The following PCDHA4 variants were observed in gnomAD, a reference collection of about 807,000 sequenced individuals.
PCDHA4 encodes protocadherin alpha-4.
A neutral mutation model predicts 61.4 loss-of-function variants in PCDHA4; 49 were observed. The ratio of observed to expected loss-of-function variants is 0.80; its 90% confidence interval spans 0.63 to 1.01. The LOEUF is 1.01. PCDHA4 is among the 50% of genes least tolerant of loss of function. The pLI is 0.00. For missense variants in PCDHA4, 1,254 were observed against 1,235.8 expected (o/e 1.01, Z -0.22); for synonymous variants, 590 against 550.3 (o/e 1.07, Z -1.01).
chr5:140,907,158 T>C (rs1482177408), intron 1 of PCDHA4, among the ~76,000 whole-genome samples: 1 of 152,146 alleles, frequency 6.6e-6, no homozygotes, highest in Non-Finnish European at 1.5e-5. Flanking sequence ...AACAGTACCA[T>C]ATATTGGATG....
chr5:140,830,328 G>A, intron 1 of PCDHA4: 2 of 1,614,058 alleles, frequency 1.2e-6, no homozygotes, highest in Non-Finnish European at 1.7e-6. Flanking sequence ...AGCGCAGTGG[G>A]GAGCTGGTCG....
chr5:140,820,549 G>C (rs1219526064), intron 1 of PCDHA4, among the ~76,000 whole-genome samples: 2 of 152,016 alleles, frequency 1.3e-5, no homozygotes, highest in East Asian at 3.9e-4. Flanking sequence ...TAGAAAACTT[G>C]GTGATATTTT....
chr5:140,869,028 G>T, intron 1 of PCDHA4: 1 of 1,526,584 alleles, frequency 6.6e-7, no homozygotes, highest in Middle Eastern at 1.8e-4. Context: ...AATTCAACGA[G>T]ATTTTTAACC....
chr5:140,961,477 G>T (rs2095615587), intron 1 of PCDHA4, among the ~76,000 whole-genome samples: 1 of 152,006 alleles, frequency 6.6e-6, no homozygotes, highest in African/African-American at 2.4e-5. Flanking sequence ...TTTTTGTCTT[G>T]TCCACGTGAG....
intron 1 of PCDHA4, among the ~76,000 whole-genome samples, chr5:140,915,915 T>C (rs782614078): frequency 1.3e-5 from 2 of 152,158 alleles, no homozygotes; most frequent in Non-Finnish European, 2.9e-5. Context: ...GGCCCAGAGA[T>C]GCTACTTGGG....
intron 1 of PCDHA4, among the ~76,000 whole-genome samples, chr5:140,844,545 C>G (rs979935361): frequency 6.7e-6 from 1 of 149,334 alleles, no homozygotes; most frequent in South Asian, 2.1e-4. Context: ...ACCCTTTGTT[C>G]ATGAGTTGGA....
At chr5:140,814,542 C>T (rs1765537891) in intron 1 of PCDHA4, 1 of 151,272 alleles carries the variant, frequency 6.6e-6, no homozygotes, top group Non-Finnish European at 1.5e-5. Flanking sequence ...AAAGCAGTAA[C>T]ATTTACTATC....
intron 3 of PCDHA4, among the ~76,000 whole-genome samples, chr5:141,000,396 T>TCTATAA (rs2097916207): frequency 7.7e-5 from 5 of 65,332 alleles, no homozygotes; most frequent in African/African-American, 3.1e-4. Context: ...TCTCTCTCTC[T>TCTATAA]ATATATATAT....
intron 3 of PCDHA4, among the ~76,000 whole-genome samples, chr5:140,993,754 A>T (rs1253767297): frequency 6.6e-6 from 1 of 152,170 alleles, no homozygotes; most frequent in African/African-American, 2.4e-5. Context: ...ACTTGCCATT[A>T]TATTACAATT....
At chr5:140,849,350 T>C in intron 1 of PCDHA4, 1 of 1,437,842 alleles carries the variant, frequency 7.0e-7, no homozygotes, top group Non-Finnish European at 9.5e-7. Flanking sequence ...CCAGTGATGT[T>C]TCTCCAGATA....
At chr5:140,869,180 T>TG in intron 1 of PCDHA4, 1 of 1,613,322 alleles carries the variant, frequency 6.2e-7, no homozygotes. Context: ...TTCTGGGAGG[T>TG]GGGGAGCGGC....
Position 140,972,810 on chromosome 5 carries a change from C to T in PCDHA4, c.2386-6139C>T, listed in dbSNP as rs546110006. 7.2e-5 allele frequency among the ~76,000 whole-genome samples: 11 copies of T among 151,984 alleles called. No homozygotes were observed. In the East Asian group the frequency reaches 9.7e-4, roughly 13 times the overall value. On this transcript the variant is annotated intron_variant, in intron 1 of 3. Transcript: ENST00000530339. ...TCCTGAGTAGCTGAGATTACAGGCA[C>T]GCGCCACCACGCCTGGCTAATTTTT...
chr5:140,966,435 C>G (rs1554228292), intron 1 of PCDHA4: 5 of 423,758 alleles, frequency 1.2e-5, no homozygotes, highest in African/African-American at 1.0e-4. Context: ...GCCCTCCTAC[C>G]GCTCCCTTTC....
Position 140,841,742 on chromosome 5 carries a change from T to G in PCDHA4, c.2385+32170T>G, listed in dbSNP as rs2150322045. On this transcript the variant is annotated intron_variant, in intron 1 of 3. Transcript: ENST00000530339. ...GTTCCGGGTAAAAGACCAAAAGCTG[T>G]TTGTTTCAGAATCCAGAATGCCAGA... 8 of 1,613,830 alleles carry G rather than the reference T, an allele frequency of 5.0e-6. 1 individual carries two copies. In the South Asian group the frequency reaches 8.8e-5, roughly 18 times the overall value.
intron 1 of PCDHA4, among the ~76,000 whole-genome samples, chr5:140,874,456 A>T (rs1554167207): frequency 6.6e-6 from 1 of 152,236 alleles, no homozygotes; most frequent in Non-Finnish European, 1.5e-5. Flanking sequence ...AATGACCTGT[A>T]GGGGAAGATT....
intron 1 of PCDHA4, among the ~76,000 whole-genome samples, chr5:140,826,585 A>ATAAATT (rs1196363952): frequency 6.6e-6 from 1 of 152,170 alleles, no homozygotes; most frequent in Non-Finnish European, 1.5e-5. Flanking sequence ...CTTCAAATGG[A>ATAAATT]TAACATTAAG....
Position 141,012,065 on chromosome 5 carries a change from T to G in PCDHA4, c.*2128T>G, listed in dbSNP as rs2098422876. The G allele has an allele frequency of 6.5e-6, 1 of 153,794 alleles. No individual in the cohort carries two copies. Among genetic ancestry groups the G allele is most frequent in the Non-Finnish European group, 1.5e-5 (1 of 68,044 alleles). The allele number at this position is 153,794 out of a possible 1,614,324, so 9.5% of individuals were successfully genotyped here. A position where few individuals can be genotyped will look rare whatever the true frequency, so the allele number is the denominator to read the frequency against. ...GGGTAAAACTTGTTACCAACACATGTGAACCATTGCTACATTGTAGGTTGT... is the reference window on the plus strand; with the variant it reads ...GGGTAAAACTTGTTACCAACACATGGGAACCATTGCTACATTGTAGGTTGT... On this transcript the variant is annotated 3_prime_UTR_variant, in exon 4 of 4. Transcript: ENST00000530339.
chr5:140,963,964 C>T (rs1207514831), intron 1 of PCDHA4, among the ~76,000 whole-genome samples: 1 of 152,182 alleles, frequency 6.6e-6, no homozygotes, highest in Non-Finnish European at 1.5e-5. Flanking sequence ...AGGAGTGTGA[C>T]TGACTCCAAA....
intron 1 of PCDHA4, chr5:140,929,578 TA>T: frequency 2.2e-6 from 1 of 445,404 alleles, no homozygotes; most frequent in Non-Finnish European, 4.0e-6. Flanking sequence ...ATAAAAGTAA[TA>T]TGACATAAAG....
Sources: allele counts gnomAD v4.1 joint callset (sites outside exome capture counted in the v4.1 genomes callset), GRCh38; gene constraint gnomAD v4.1.1; transcripts MANE v1.5; gene names NCBI Gene and HGNC (gene_info 2026-07-23, HGNC 2026-07-21).